Variants in ZMAT4 observed in about 807,000 individuals in gnomAD.
ZMAT4 encodes the protein zinc finger matrin-type protein 4.
Under a neutral mutation model 28.7 loss-of-function variants are expected in ZMAT4, and 17 were observed. That is an observed-to-expected ratio of 0.59 (90% CI 0.41 to 0.89). The LOEUF is 0.89. ZMAT4 is among the 40% of genes least tolerant of loss of function. The probability of loss-of-function intolerance (pLI) is 0.00; values close to 1 mark genes in which losing one functional copy is unlikely to be tolerated. For synonymous variants in ZMAT4, 117 were observed against 109.2 expected (o/e 1.07, Z -0.44); for missense variants, 240 against 283.8 (o/e 0.85, Z 1.11).
chr8:40,881,435 GA>G (rs1491404271), intron 1 of ZMAT4, among the ~76,000 whole-genome samples: 1 of 49,286 alleles, frequency 2.0e-5, no homozygotes, highest in African/African-American at 6.2e-5. Context: ...AAGAAAGAGA[GA>G]AAGAAAGAAA....
intron 3 of ZMAT4, among the ~76,000 whole-genome samples, chr8:40,746,213 T>G (rs1243055431): frequency 2.1e-5 from 2 of 96,448 alleles, no homozygotes; most frequent in South Asian, 5.3e-4. Context: ...CCTTCCCTCC[T>G]TCCCTCCTTC....
chr8:40,736,371 T>A (rs1332803768), intron 3 of ZMAT4, among the ~76,000 whole-genome samples: 1 of 152,250 alleles, frequency 6.6e-6, no homozygotes, highest in African/African-American at 2.4e-5. Context: ...ATGGCAGATA[T>A]TACCCAGAAC....
chr8:40,654,838 C>T (rs1807844830), intron 5 of ZMAT4, among the ~76,000 whole-genome samples: 1 of 151,998 alleles, frequency 6.6e-6, no homozygotes, highest in Non-Finnish European at 1.5e-5. Flanking sequence ...CCACAGCTGA[C>T]ATCATACTTC....
At chr8:40,570,896 T>C (rs985181907) in intron 6 of ZMAT4, among the ~76,000 whole-genome samples, 2 of 152,086 alleles carry the variant, frequency 1.3e-5, no homozygotes, top group African/African-American at 4.8e-5. Flanking sequence ...TTGATGCAAA[T>C]AAACTTCTCA....
chr8:40,851,502 G>A (rs139683278), intron 1 of ZMAT4, among the ~76,000 whole-genome samples: 4 of 152,310 alleles, frequency 2.6e-5, no homozygotes, highest in African/African-American at 9.6e-5. Flanking sequence ...GTTTTCACAA[G>A]TGTACCATAG....
intron 1 of ZMAT4, among the ~76,000 whole-genome samples, chr8:40,867,080 G>A (rs1424941980): frequency 1.3e-5 from 2 of 151,978 alleles, no homozygotes. Flanking sequence ...CCATTGGAAG[G>A]CAACATCGCC....
chr8:40,787,204 C>G (rs1411818819), intron 2 of ZMAT4, among the ~76,000 whole-genome samples: 1 of 152,192 alleles, frequency 6.6e-6, no homozygotes, highest in Non-Finnish European at 1.5e-5. Context: ...TCAATGACCT[C>G]AGCTTGCACC....
At chr8:40,864,151 C>T (rs1448839195) in intron 1 of ZMAT4, among the ~76,000 whole-genome samples, 6 of 152,180 alleles carry the variant, frequency 3.9e-5, no homozygotes, top group East Asian at 1.9e-4. Context: ...TGGGTGTTCC[C>T]GGGTTCAGGA....
intron 5 of ZMAT4, among the ~76,000 whole-genome samples, chr8:40,615,504 G>C (rs1451806455): frequency 1.3e-5 from 2 of 152,174 alleles, no homozygotes; most frequent in Admixed American, 1.3e-4. Flanking sequence ...TCTCCTGGAT[G>C]ATATCCTGCA....
intron 3 of ZMAT4, among the ~76,000 whole-genome samples, chr8:40,706,309 C>T (rs1021975215): frequency 5.9e-5 from 9 of 152,194 alleles, no homozygotes; most frequent in Non-Finnish European, 1.2e-4. Flanking sequence ...CCACCTCAGC[C>T]TCCCAAAGTG....
intron 3 of ZMAT4, among the ~76,000 whole-genome samples, chr8:40,739,810 C>T (rs1389933543): frequency 6.6e-6 from 1 of 152,138 alleles, no homozygotes; most frequent in Non-Finnish European, 1.5e-5. Context: ...TCCCACCCGC[C>T]GACAGGCCCC....
intron 5 of ZMAT4, among the ~76,000 whole-genome samples, chr8:40,585,249 T>A (rs769712103): frequency 2.0e-5 from 3 of 152,164 alleles, no homozygotes; most frequent in Non-Finnish European, 4.4e-5. Context: ...TCTGGGATGT[T>A]CTTAGGAAGC....
intron 3 of ZMAT4, among the ~76,000 whole-genome samples, chr8:40,736,894 C>T (rs937103946): frequency 7.9e-5 from 10 of 126,224 alleles, no homozygotes; most frequent in South Asian, 3.0e-4. Flanking sequence ...GTGAGATAGA[C>T]TCCAGCCTAG....
At chr8:40,752,156 A>G (rs1248339824) in intron 3 of ZMAT4, among the ~76,000 whole-genome samples, 2 of 152,256 alleles carry the variant, frequency 1.3e-5, no homozygotes, top group South Asian at 2.1e-4. Flanking sequence ...AGCCATCCAG[A>G]CAACCTTCTG....
At position 40,530,749 on chromosome 8, in the gene ZMAT4, C is replaced by G. The variant is rs1802667070; in HGVS notation, c.*1474G>C. On this transcript the variant is annotated 3_prime_UTR_variant, in exon 7 of 7. Transcript: ENST00000297737. ...GCAAAATAGATTCTTCCCATCCAAC[C>G]CCCTTTCCTCTTGTAGAGTAGGGTG... 6.6e-6 allele frequency: 1 copy of G among 152,602 alleles called. No individual in the cohort carries two copies. Among genetic ancestry groups the G allele is most frequent in the Non-Finnish European group, 1.5e-5 (1 of 68,052 alleles). 9.5% of individuals were successfully genotyped at this position (152,602 alleles called of 1,614,324 possible).
At chr8:40,868,842 C>T (rs1166612169) in intron 1 of ZMAT4, among the ~76,000 whole-genome samples, 1 of 152,218 alleles carries the variant, frequency 6.6e-6, no homozygotes, top group African/African-American at 2.4e-5. Context: ...TTCAACTCCA[C>T]TTGTCTAGTT....
At chr8:40,856,909 G>A (rs535733766) in intron 1 of ZMAT4, among the ~76,000 whole-genome samples, 77 of 152,300 alleles carry the variant, frequency 5.1e-4, no homozygotes, top group African/African-American at 1.8e-3. Flanking sequence ...TTGCAAATGG[G>A]GATGGGGGAG....
intron 5 of ZMAT4, among the ~76,000 whole-genome samples, chr8:40,644,268 A>T (rs1807196363): frequency 6.6e-6 from 1 of 152,230 alleles, no homozygotes; most frequent in African/African-American, 2.4e-5. Context: ...TTGGTTTCTA[A>T]TATCATTCTC....
intron 2 of ZMAT4, among the ~76,000 whole-genome samples, chr8:40,811,357 T>C (rs1440665040): frequency 6.6e-6 from 1 of 152,126 alleles, no homozygotes; most frequent in Non-Finnish European, 1.5e-5. Flanking sequence ...AGGGGATACA[T>C]GATCTGTGCA....
Sources: allele counts gnomAD v4.1 joint callset (sites outside exome capture counted in the v4.1 genomes callset), GRCh38; gene constraint gnomAD v4.1.1; transcripts MANE v1.5; gene names NCBI Gene and HGNC (gene_info 2026-07-23, HGNC 2026-07-21).